The following LARGE1 variants were observed in gnomAD, a reference collection of about 807,000 sequenced individuals.
LARGE1 encodes the protein LARGE xylosyl- and glucuronyltransferase 1.
Under a neutral mutation model 87.6 loss-of-function variants are expected in LARGE1, and 43 were observed. The ratio of observed to expected loss-of-function variants is 0.49; its 90% CI spans 0.38 to 0.63. The LOEUF (loss-of-function observed/expected upper bound fraction) is 0.63, where lower values mean the gene tolerates loss of function less well. Ranked by LOEUF, LARGE1 falls within the 30% of genes least tolerant of loss-of-function variation. The pLI is 0.00. For missense variants in LARGE1, 802 were observed against 1,000.2 expected, an observed-to-expected ratio of 0.80 and a Z score of 2.67; for synonymous variants, 434 against 394.6, an observed-to-expected ratio of 1.10 and a Z score of -1.18.
chr22:33,611,858 C>T (rs1308609597), intron 4 of LARGE1, among the ~76,000 whole-genome samples: 1 of 152,138 alleles, frequency 6.6e-6, no homozygotes, highest in Non-Finnish European at 1.5e-5. Flanking sequence ...TTGGTGCTGT[C>T]CTCACAATAC....
chr22:33,671,274 C>T (rs559098421), intron 2 of LARGE1, among the ~76,000 whole-genome samples: 2 of 152,334 alleles, frequency 1.3e-5, no homozygotes, highest in East Asian at 3.9e-4. Context: ...GGCTACATTT[C>T]ACCATCTATC....
chr22:33,840,852 G>A (rs904775822), intron 1 of LARGE1, among the ~76,000 whole-genome samples: 8 of 152,044 alleles, frequency 5.3e-5, no homozygotes, highest in African/African-American at 1.9e-4. Flanking sequence ...CGAACTCCTG[G>A]GCTCAAGTGA....
intron 6 of LARGE1, among the ~76,000 whole-genome samples, chr22:33,464,906 C>T (rs1340403365): frequency 2.1e-5 from 3 of 142,030 alleles, no homozygotes; most frequent in African/African-American, 3.1e-5. Context: ...CACACACACA[C>T]ATACACATGC....
chr22:33,392,247 T>C (rs1254815159), intron 7 of LARGE1, among the ~76,000 whole-genome samples: 1 of 151,780 alleles, frequency 6.6e-6, no homozygotes, highest in Non-Finnish European at 1.5e-5. Context: ...AGTCCTGATA[T>C]CACTGCTTAA....
At chr22:33,274,890 G>A (rs527462365) in intron 14 of LARGE1, among the ~76,000 whole-genome samples, 6 of 152,230 alleles carry the variant, frequency 3.9e-5, no homozygotes, top group Admixed American at 1.3e-4. Flanking sequence ...TGACCATGAC[G>A]GAGAAGCCAA....
intron 9 of LARGE1, among the ~76,000 whole-genome samples, chr22:33,373,804 C>T (rs1001497431): frequency 6.6e-6 from 1 of 151,958 alleles, no homozygotes; most frequent in Non-Finnish European, 1.5e-5. Flanking sequence ...GAAACCCTGT[C>T]TCTACTAAAA....
At chr22:33,203,752 C>T (rs1016636290) in intron 11 of LARGE1, among the ~76,000 whole-genome samples, 4 of 152,152 alleles carry the variant, frequency 2.6e-5, no homozygotes, top group African/African-American at 9.7e-5. Context: ...AATGCTTTTC[C>T]CACAGACTCT....
At chr22:33,386,542 A>C (rs1601660419) in intron 7 of LARGE1, among the ~76,000 whole-genome samples, 1 of 148,898 alleles carries the variant, frequency 6.7e-6, no homozygotes, top group East Asian at 1.9e-4. Context: ...AAACGGCCGG[A>C]TTTGTAGCAT....
intron 11 of LARGE1, among the ~76,000 whole-genome samples, chr22:33,203,721 G>T (rs1249914312): frequency 6.6e-6 from 1 of 152,176 alleles, no homozygotes; most frequent in African/African-American, 2.4e-5. Context: ...TGACTTTGCT[G>T]CCGCTGCTAC....
chr22:33,095,737 G>C, the LARGE1 span, among the ~76,000 whole-genome samples: 2 of 152,196 alleles, frequency 1.3e-5, no homozygotes, highest in Admixed American at 6.5e-5. Context: ...GCTAGGTCCT[G>C]TGGTAGGCAC....
intron 1 of LARGE1, among the ~76,000 whole-genome samples, chr22:33,850,718 A>ACC (rs1432220249): frequency 6.6e-6 from 1 of 152,134 alleles, no homozygotes; most frequent in Admixed American, 6.5e-5. Context: ...TCCTTGAACA[A>ACC]CCAAGTCTGA....
At chr22:33,847,644 G>A (rs150374541) in intron 1 of LARGE1, among the ~76,000 whole-genome samples, 4 of 152,290 alleles carry the variant, frequency 2.6e-5, no homozygotes, top group East Asian at 1.9e-4. Flanking sequence ...GCAGTGGTAC[G>A]CTGTGAACTG....
At chr22:33,388,723 G>A (rs941391530) in intron 7 of LARGE1, among the ~76,000 whole-genome samples, 3 of 151,986 alleles carry the variant, frequency 2.0e-5, no homozygotes, top group Admixed American at 6.6e-5. Context: ...ACACCACCAC[G>A]CCTGGCTGAT....
At chr22:33,511,434 T>C (rs758879025) in intron 6 of LARGE1, among the ~76,000 whole-genome samples, 24 of 152,326 alleles carry the variant, frequency 1.6e-4, no homozygotes, top group Non-Finnish European at 1.6e-4. Flanking sequence ...GATTCAGCTT[T>C]GCATGATAAA....
intron 6 of LARGE1, among the ~76,000 whole-genome samples, chr22:33,547,930 G>T (rs1360474068): frequency 6.6e-6 from 1 of 150,384 alleles, no homozygotes; most frequent in Non-Finnish European, 1.5e-5. Flanking sequence ...ATCTAAAACT[G>T]TTGCCATAAA....
chr22:33,874,966 T>C (rs1291105797), intron 1 of LARGE1, among the ~76,000 whole-genome samples: 1 of 152,128 alleles, frequency 6.6e-6, no homozygotes, highest in Non-Finnish European at 1.5e-5. Flanking sequence ...TTGAAAAACG[T>C]CCAAGATGAC....
rs1602138916 is a variant in LARGE1, at chr22:33,243,029, T to C, written c.1730+61200A>G. Among the ~76,000 whole-genome samples, 8 of 152,310 alleles carry C rather than the reference T, an allele frequency of 5.3e-5. No individual in the cohort carries two copies. The Middle Eastern group carries it at 0.024, about 453-fold the overall frequency. The stretch of plus-strand genomic sequence containing the variant: ...AGTCACATTGGATTGAGTGCTCACC[T>C]TTCTCCAGGATGACCTCATCTAAAC... On this transcript the variant is annotated intron_variant, in intron 11 of 11. Transcript: ENST00000608642.
intron 6 of LARGE1, among the ~76,000 whole-genome samples, chr22:33,464,238 T>C (rs1230252134): frequency 6.6e-6 from 1 of 152,166 alleles, no homozygotes; most frequent in Non-Finnish European, 1.5e-5. Context: ...CAATCCCATA[T>C]GAATGAAGGA....
At chr22:33,577,571 A>G (rs2078391342) in intron 5 of LARGE1, among the ~76,000 whole-genome samples, 2 of 152,188 alleles carry the variant, frequency 1.3e-5, no homozygotes, top group South Asian at 2.1e-4. Context: ...CCGCCTTCCC[A>G]TGGAGCCATC....
Sources: allele counts gnomAD v4.1 joint callset (sites outside exome capture counted in the v4.1 genomes callset), GRCh38; gene constraint gnomAD v4.1.1; transcripts MANE v1.5; gene names NCBI Gene and HGNC (gene_info 2026-07-23, HGNC 2026-07-21).